PCDHGA2: variants seen among roughly 807,000 people sequenced by gnomAD.
The protein encoded by PCDHGA2 is protocadherin gamma subfamily A, 2, also known as protocadherin gamma-A2.
A neutral mutation model predicts 59.2 loss-of-function variants in PCDHGA2; 40 were observed. The ratio of observed to expected loss-of-function variants is 0.68; its 90% CI spans 0.52 to 0.88. The LOEUF is 0.88. Ranked by LOEUF, PCDHGA2 falls within the 40% of genes least tolerant of loss-of-function variation. The pLI is 0.00. For synonymous variants in PCDHGA2, 560 were observed against 526.0 expected (o/e 1.06, Z -0.89); for missense variants, 1,226 against 1,204.0 (o/e 1.02, Z -0.27).
intron 1 of PCDHGA2, among the ~76,000 whole-genome samples, chr5:141,347,416 A>T (rs1353584757): frequency 1.3e-5 from 2 of 152,004 alleles, no homozygotes; most frequent in Non-Finnish European, 2.9e-5. Context: ...CAGCCTCCCA[A>T]AGTACTGCGA....
rs964544667 is a variant in PCDHGA2 at position 141,338,790 on chromosome 5, G to A, written c.-182G>A. On this transcript the variant is annotated 5_prime_UTR_variant, in exon 1 of 4. Coordinates refer to ENST00000394576, the MANE Select transcript of PCDHGA2 (RefSeq NM_018915.4). ...AGCAATACGGCTCCCACAGCACAAG[G>A]GGGTGGAGGTTTGGCCCTAAAGCTT... 1.5e-6 allele frequency: 2 copies of A among 1,350,076 alleles called. No homozygotes were observed. Among genetic ancestry groups the A allele is most frequent in the South Asian group, 2.2e-5 (1 of 46,314 alleles). 83.6% of individuals were successfully genotyped at this position (1,350,076 alleles called of 1,614,324 possible).
At chr5:141,422,872 C>T (rs773469060) in intron 1 of PCDHGA2, 19 of 1,614,134 alleles carry the variant, frequency 1.2e-5, no homozygotes, top group African/African-American at 2.7e-5. Flanking sequence ...CAACGTGTCG[C>T]TGAGCCTGTT....
At chr5:141,355,329 A>G in intron 1 of PCDHGA2, 1 of 1,614,020 alleles carries the variant, frequency 6.2e-7, no homozygotes, top group Non-Finnish European at 8.5e-7. Flanking sequence ...AAGAAGGCTC[A>G]GTGGTGGGCA....
chr5:141,477,582 A>T lies in PCDHGA2; in HGVS notation c.2425-17225A>T, dbSNP rs567486170. The T allele has an allele frequency of 6.2e-7, 1 of 1,614,190 alleles. No individual in the cohort carries two copies. The highest frequency in any genetic ancestry group is 2.2e-5 in the East Asian group (1 of 44,888). ...GTCTGGGACCCCGACGCCCCGCAGA[A>T]TGCTCGGCTTTCTTTCTTTCTCTTG... On this transcript the variant is annotated intron_variant, in intron 1 of 3. Transcript: ENST00000394576. The surrounding 1 kb of genome is among the most constrained non-coding windows in gnomAD (Gnocchi z 4.9).
chr5:141,409,171 C>G, intron 1 of PCDHGA2: 1 of 1,613,962 alleles, frequency 6.2e-7, no homozygotes, highest in South Asian at 1.1e-5. Flanking sequence ...AAGCGAAGGA[C>G]GGAGGTGGTC....
intron 1 of PCDHGA2, among the ~76,000 whole-genome samples, chr5:141,472,409 C>T (rs2099279484): frequency 6.6e-6 from 1 of 152,016 alleles, no homozygotes; most frequent in South Asian, 2.1e-4. Flanking sequence ...GGCGTGGTGG[C>T]ACGCACCTGT....
chr5:141,344,355 A>G (rs753531988), intron 1 of PCDHGA2: 1 of 1,613,876 alleles, frequency 6.2e-7, no homozygotes, highest in Middle Eastern at 1.7e-4. Flanking sequence ...AAAAATTAAC[A>G]TTCTGGTTGA....
chr5:141,456,389 TTTGA>T (rs1181323617), intron 1 of PCDHGA2, among the ~76,000 whole-genome samples: 2 of 152,074 alleles, frequency 1.3e-5, no homozygotes, highest in Non-Finnish European at 2.9e-5. Flanking sequence ...CCGTTTGGAG[TTTGA>T]TTGCTTCTAG....
chr5:141,480,827 A>G (rs1455065731), intron 1 of PCDHGA2, among the ~76,000 whole-genome samples: 2 of 152,212 alleles, frequency 1.3e-5, no homozygotes, highest in Admixed American at 6.5e-5. Context: ...TGGGTGGATC[A>G]TAAGATCAGG....
intron 1 of PCDHGA2, chr5:141,345,161 T>C (rs374098708): frequency 6.2e-7 from 1 of 1,613,888 alleles, no homozygotes; most frequent in African/African-American, 1.3e-5. Flanking sequence ...ACCGAGATTC[T>C]GGGCAGAATG....
intron 1 of PCDHGA2, chr5:141,374,833 T>A (rs761729063): frequency 6.2e-7 from 1 of 1,613,930 alleles, no homozygotes; most frequent in East Asian, 2.2e-5. Context: ...ACCGTGTAAG[T>A]GTTCCTGAAA....
intron 1 of PCDHGA2, chr5:141,415,388 G>C (rs752789407): frequency 6.2e-7 from 1 of 1,614,236 alleles, no homozygotes; most frequent in East Asian, 2.2e-5. Flanking sequence ...GGCTTGACAG[G>C]TGTGTCCGGC....
At chr5:141,484,392 T>G (rs1454201773) in intron 1 of PCDHGA2, among the ~76,000 whole-genome samples, 1 of 152,162 alleles carries the variant, frequency 6.6e-6, no homozygotes, top group African/African-American at 2.4e-5. Flanking sequence ...TAAGAAAGGT[T>G]TGGTTTCCGC....
At chr5:141,392,732 T>C in intron 1 of PCDHGA2, 1 of 1,414,588 alleles carries the variant, frequency 7.1e-7, no homozygotes. Context: ...AGGATTGTCA[T>C]CTCCATAGCT....
At chr5:141,342,088 A>T (rs140945996) in intron 1 of PCDHGA2, 1 of 131,250 alleles carries the variant, frequency 7.6e-6, no homozygotes, top group African/African-American at 2.9e-5. Context: ...AAAGCTGTAG[A>T]GTGGTAATAA....
In PCDHGA2 at chr5:141,432,469, C is replaced by A; in HGVS notation, c.2425-62338C>A. On this transcript the variant is annotated intron_variant, in intron 1 of 3. Coordinates refer to ENST00000394576, the MANE Select transcript of PCDHGA2 (RefSeq NM_018915.4). The surrounding 1 kb of genome is among the most constrained non-coding windows in gnomAD (Gnocchi z 6.0). ...TCCTGTACCCCGCCCTCCCCACGGA[C>A]GGTTCCACTGGCGTGGAGCTGGCTC... 6.2e-7 allele frequency: 1 copy of A among 1,614,218 alleles called. No individual in the cohort carries two copies.
At chr5:141,404,565 G>C in intron 1 of PCDHGA2, 2 of 1,613,910 alleles carry the variant, frequency 1.2e-6, no homozygotes. Flanking sequence ...AGTGACAGTG[G>C]AAGCCCACCA....
chr5:141,344,898 G>A (rs367550413), intron 1 of PCDHGA2: 4 of 1,613,686 alleles, frequency 2.5e-6, no homozygotes, highest in East Asian at 2.2e-5. Flanking sequence ...TGGGAAAATC[G>A]CTGAGATTTT....
chr5:141,374,408 C>T (rs769866993), intron 1 of PCDHGA2: 1 of 1,614,034 alleles, frequency 6.2e-7, no homozygotes, highest in East Asian at 2.2e-5. Context: ...TTTTAACATC[C>T]TTGTCGAGGA....
Sources: gnomAD v4.1 joint callset for allele counts (sites outside exome capture counted in the v4.1 genomes callset) on GRCh38, gnomAD v4.1.1 for gene constraint, Gnocchi (gnomAD v3.1) non-coding constraint, MANE v1.5 for transcripts, NCBI Gene and HGNC (gene_info 2026-07-23, HGNC 2026-07-21) for gene names.